SEC24D: variants seen among roughly 807,000 people sequenced by gnomAD.
SEC24D encodes the protein SEC24 homolog D, COPII component.
In SEC24D, 69 loss-of-function variants were observed where a neutral mutation model predicts 116.9. That is an observed-to-expected ratio of 0.59 (90% CI 0.49 to 0.72). The LOEUF (loss-of-function observed/expected upper bound fraction) is 0.72. SEC24D is among the 30% of genes least tolerant of loss of function. SEC24D has a pLI of 0.00. For synonymous variants in SEC24D, 405 were observed against 442.8 expected (o/e 0.91, Z 1.07); for missense variants, 1,131 against 1,264.1 (o/e 0.89, Z 1.60).
intron 6 of SEC24D, among the ~76,000 whole-genome samples, chr4:118,812,351 C>T (rs116200907): frequency 1.3e-5 from 2 of 152,158 alleles, no homozygotes; most frequent in African/African-American, 4.8e-5. Flanking sequence ...CCCCATGGAC[C>T]TAGGTGAGGA....
intron 8 of SEC24D, 137 bp downstream of exon 8, chr4:118,797,546 A>T: frequency 1.4e-6 from 1 of 695,098 alleles, no homozygotes; most frequent in East Asian, 2.9e-5. Context: ...GATGAATTCA[A>T]TTACTAGATG....
chr4:118,731,301 GA>G lies in SEC24D; in HGVS notation c.2868+14del. 1 of 1,598,594 alleles carries G rather than the reference GA, an allele frequency of 6.3e-7. No homozygotes were observed. The highest frequency in any genetic ancestry group is 8.6e-7 in the Non-Finnish European group (1 of 1,166,354). On this transcript the variant is annotated intron_variant, in intron 21 of 22. Transcript: ENST00000280551. ...TTTTTCATATTACCACAAAAGCAAT[GA>G]AAATAATACTTACCATATCTGTGTT... is the stretch of plus-strand genomic sequence containing the variant.
At chr4:118,752,932 G>C in intron 11 of SEC24D, 44 bp from the exon 12 acceptor site, 1 of 1,391,480 alleles carries the variant, frequency 7.2e-7, no homozygotes, top group Non-Finnish European at 9.8e-7. Flanking sequence ...TATAAATTTA[G>C]ATGAAAAGGA....
intron 8 of SEC24D, among the ~76,000 whole-genome samples, chr4:118,797,144 A>G (rs1729212365): frequency 6.6e-6 from 1 of 152,192 alleles, no homozygotes; most frequent in African/African-American, 2.4e-5. Context: ...TTTCAATGTA[A>G]ACCACTTATC....
chr4:118,830,201 C>T (rs1730785793), intron 2 of SEC24D, among the ~76,000 whole-genome samples: 1 of 152,156 alleles, frequency 6.6e-6, no homozygotes, highest in Non-Finnish European at 1.5e-5. Context: ...ATTTAATAGC[C>T]ATTAAGTAAG....
chr4:118,743,857 G>T, intron 15 of SEC24D, 131 bp downstream of exon 15: 1 of 812,814 alleles, frequency 1.2e-6, no homozygotes, highest in Non-Finnish European at 1.9e-6. Context: ...GGTATACTTT[G>T]TTTTCCATCT....
chr4:118,806,346 A>G (rs560525395), intron 6 of SEC24D, among the ~76,000 whole-genome samples: 3 of 150,276 alleles, frequency 2.0e-5, no homozygotes, highest in Admixed American at 6.6e-5. Context: ...ATTTTTTTTC[A>G]TTTTTTGAGA....
chr4:118,738,167 T>G (rs1726058112), intron 19 of SEC24D, 94 bp downstream of exon 19: 1 of 823,024 alleles, frequency 1.2e-6, no homozygotes. Flanking sequence ...AGCATCTAAG[T>G]GCCTGCAACA....
intron 7 of SEC24D, among the ~76,000 whole-genome samples, chr4:118,798,309 T>C (rs941503311): frequency 6.6e-6 from 1 of 152,202 alleles, no homozygotes; most frequent in Non-Finnish European, 1.5e-5. Flanking sequence ...TTTTTCTAAA[T>C]TTGGAAATTG....
chr4:118,737,694 T>A (rs1726032958), intron 19 of SEC24D, among the ~76,000 whole-genome samples: 2 of 152,208 alleles, frequency 1.3e-5, no homozygotes, highest in Admixed American at 1.3e-4. Context: ...GGTTCTGCTT[T>A]TCCTTTTATA....
At chr4:118,830,996 T>C (rs926464714) in intron 2 of SEC24D, among the ~76,000 whole-genome samples, 1 of 152,070 alleles carries the variant, frequency 6.6e-6, no homozygotes, top group Non-Finnish European at 1.5e-5. Context: ...ACCGATTACA[T>C]TGGAGGAGAT....
intron 7 of SEC24D, among the ~76,000 whole-genome samples, chr4:118,798,942 G>A (rs1385814139): frequency 6.6e-6 from 1 of 152,194 alleles, no homozygotes. Flanking sequence ...GGCCAGATGA[G>A]GTAGACTCTT....
chr4:118,774,085 T>G (rs907662475), intron 8 of SEC24D, among the ~76,000 whole-genome samples: 1 of 151,830 alleles, frequency 6.6e-6, no homozygotes. Context: ...TATTAAAAAA[T>G]TTAATGCTTT....
intron 8 of SEC24D, among the ~76,000 whole-genome samples, chr4:118,772,394 G>T (rs574667529): frequency 6.6e-6 from 1 of 152,228 alleles, no homozygotes; most frequent in Admixed American, 6.5e-5. Context: ...TTTTCTCAAA[G>T]AAACTTTTGA....
chr4:118,763,894 C>A (rs1323669715), intron 10 of SEC24D, among the ~76,000 whole-genome samples: 2 of 152,134 alleles, frequency 1.3e-5, no homozygotes, highest in African/African-American at 4.8e-5. Flanking sequence ...AGACCAAATT[C>A]CGTGAAAAAA....
At chr4:118,733,033 G>T (rs1725774851) in intron 19 of SEC24D, 121 bp from the exon 20 acceptor site, 3 of 831,208 alleles carry the variant, frequency 3.6e-6, no homozygotes, top group African/African-American at 3.4e-5. Flanking sequence ...AGGATTAACT[G>T]GTAACCCATG....
At chr4:118,809,865 C>T (rs961350461) in intron 6 of SEC24D, among the ~76,000 whole-genome samples, 1 of 152,080 alleles carries the variant, frequency 6.6e-6, no homozygotes, top group Non-Finnish European at 1.5e-5. Flanking sequence ...GATGGGGTGC[C>T]AGGGAGACTG....
At chr4:118,828,114 T>A (rs1212333931) in intron 2 of SEC24D, among the ~76,000 whole-genome samples, 2 of 130,300 alleles carry the variant, frequency 1.5e-5, no homozygotes, top group Non-Finnish European at 1.8e-5. Context: ...ACATTAATAC[T>A]TTTTTTTTTT....
chr4:118,765,033 T>C, intron 9 of SEC24D, 116 bp from the exon 10 acceptor site: 1 of 643,218 alleles, frequency 1.6e-6, no homozygotes, highest in Non-Finnish European at 2.7e-6. Context: ...AAATGTATTT[T>C]AAAGCTGGAA....
Sources: allele counts gnomAD v4.1 joint callset (sites outside exome capture counted in the v4.1 genomes callset), GRCh38; gene constraint gnomAD v4.1.1; transcripts MANE v1.5; gene names NCBI Gene and HGNC (gene_info 2026-07-23, HGNC 2026-07-21).